DYM: variants seen among roughly 807,000 people sequenced by gnomAD.
The protein encoded by DYM is dymeclin, also known as dyggve-Melchior-Clausen syndrome protein.
In DYM, 78 loss-of-function variants were observed where a neutral mutation model predicts 93.1. That is an observed-to-expected ratio of 0.84 (90% CI 0.70 to 1.01). The LOEUF (loss-of-function observed/expected upper bound fraction) is 1.01. Among genes scored for constraint, DYM ranks in the 50% least tolerant of loss-of-function variants. The pLI is 0.00. For synonymous variants in DYM, 321 were observed against 319.7 expected (o/e 1.00, Z -0.04); for missense variants, 789 against 845.0 (o/e 0.93, Z 0.82).
intron 17 of DYM, among the ~76,000 whole-genome samples, chr18:49,083,592 T>C (rs994121687): frequency 2.0e-5 from 3 of 152,198 alleles, no homozygotes; most frequent in Non-Finnish European, 2.9e-5. Flanking sequence ...CATTATTTCT[T>C]TGCAAAAACT....
At chr18:49,063,909 G>A (rs1382916471) in intron 17 of DYM, among the ~76,000 whole-genome samples, 1 of 152,184 alleles carries the variant, frequency 6.6e-6, no homozygotes, top group African/African-American at 2.4e-5. Flanking sequence ...AATTACAGGT[G>A]TGAGCCACGG....
At chr18:49,285,206 A>G (rs1048591422) in intron 9 of DYM, among the ~76,000 whole-genome samples, 1 of 152,218 alleles carries the variant, frequency 6.6e-6, no homozygotes, top group East Asian at 1.9e-4. Context: ...GAGCAGCACA[A>G]ATGGACAAAG....
At chr18:49,263,259 C>T (rs957064633) in intron 11 of DYM, among the ~76,000 whole-genome samples, 103 of 151,888 alleles carry the variant, frequency 6.8e-4, no homozygotes, top group African/African-American at 2.3e-3. Context: ...GCTGGGATTA[C>T]AGGCACCCAC....
At chr18:49,429,574 G>C (rs2074613520) in intron 2 of DYM, among the ~76,000 whole-genome samples, 1 of 152,186 alleles carries the variant, frequency 6.6e-6, no homozygotes, top group Non-Finnish European at 1.5e-5. Context: ...AACTGACAAA[G>C]ATATGGGGAA....
intron 3 of DYM, among the ~76,000 whole-genome samples, chr18:49,382,758 C>T (rs1313070413): frequency 1.3e-5 from 2 of 152,166 alleles, no homozygotes; most frequent in African/African-American, 2.4e-5. Flanking sequence ...GCTAACTTAC[C>T]TGATGCTAGA....
intron 16 of DYM, among the ~76,000 whole-genome samples, chr18:49,112,930 A>G (rs1394529487): frequency 2.6e-5 from 4 of 151,706 alleles, no homozygotes; most frequent in Non-Finnish European, 1.5e-5. Flanking sequence ...ACCTGATTAC[A>G]TTCTTTAAAT....
intron 1 of DYM, among the ~76,000 whole-genome samples, chr18:49,435,929 G>T (rs1355758387): frequency 6.6e-6 from 1 of 152,158 alleles, no homozygotes; most frequent in African/African-American, 2.4e-5. Context: ...TATTAAACAT[G>T]ATGAGATATT....
intron 8 of DYM, among the ~76,000 whole-genome samples, chr18:49,326,417 T>C (rs149557716): frequency 0.01 from 1,585 of 152,146 alleles, 24 homozygotes; most frequent in African/African-American, 0.037. Flanking sequence ...AATATATAAT[T>C]CATTCTAACC....
intron 17 of DYM, among the ~76,000 whole-genome samples, chr18:49,073,003 A>C (rs1253220431): frequency 6.6e-6 from 1 of 152,218 alleles, no homozygotes; most frequent in Non-Finnish European, 1.5e-5. Flanking sequence ...CCAACCAAAA[A>C]CAAAATATCC....
At chr18:49,211,552 T>C (rs557447421) in intron 13 of DYM, among the ~76,000 whole-genome samples, 1 of 152,316 alleles carries the variant, frequency 6.6e-6, no homozygotes, top group South Asian at 2.1e-4. Flanking sequence ...ACTAGTAAGT[T>C]AGAAGATTTG....
At chr18:49,240,181 A>G (rs1454681239) in intron 13 of DYM, among the ~76,000 whole-genome samples, 1 of 152,206 alleles carries the variant, frequency 6.6e-6, no homozygotes, top group Non-Finnish European at 1.5e-5. Context: ...TTAAAAGTAT[A>G]TACACTGAAC....
intron 1 of DYM, among the ~76,000 whole-genome samples, chr18:49,433,093 C>A (rs963728352): frequency 1.3e-5 from 2 of 152,156 alleles, no homozygotes; most frequent in Non-Finnish European, 2.9e-5. Context: ...AACAGGGGAT[C>A]CAACACAGGG....
At chr18:49,122,680 C>G (rs1355230650) in intron 15 of DYM, among the ~76,000 whole-genome samples, 1 of 152,106 alleles carries the variant, frequency 6.6e-6, no homozygotes, top group Non-Finnish European at 1.5e-5. Flanking sequence ...TTGAATCATC[C>G]TGAAACCACC....
chr18:49,380,533 G>A (rs954286992), intron 3 of DYM, among the ~76,000 whole-genome samples: 1 of 152,162 alleles, frequency 6.6e-6, no homozygotes, highest in East Asian at 1.9e-4. Context: ...GCATTTCACC[G>A]ATCCTCACCT....
At chr18:49,278,556 G>A (rs1394264487) in intron 10 of DYM, among the ~76,000 whole-genome samples, 1 of 152,084 alleles carries the variant, frequency 6.6e-6, no homozygotes, top group Non-Finnish European at 1.5e-5. Flanking sequence ...CATTAAGTGT[G>A]CCTCCTCCCA....
At chr18:49,092,941 G>A (rs2079186067) in intron 17 of DYM, among the ~76,000 whole-genome samples, 2 of 152,190 alleles carry the variant, frequency 1.3e-5, no homozygotes, top group Admixed American at 6.5e-5. Context: ...CTCCTTTAAT[G>A]TTCTGCACTA....
At chr18:49,319,587 T>C (rs564134769) in intron 8 of DYM, among the ~76,000 whole-genome samples, 1 of 152,332 alleles carries the variant, frequency 6.6e-6, no homozygotes, top group South Asian at 2.1e-4. Flanking sequence ...TCGCATTTTG[T>C]TCTGGACACT....
At chr18:49,280,831 C>T (rs2094954142) in intron 10 of DYM, among the ~76,000 whole-genome samples, 1 of 152,184 alleles carries the variant, frequency 6.6e-6, no homozygotes, top group Admixed American at 6.5e-5. Context: ...GAATGTTAGA[C>T]CTAAAACCAT....
intron 15 of DYM, among the ~76,000 whole-genome samples, chr18:49,141,370 C>G (rs1399370387): frequency 6.6e-6 from 1 of 152,138 alleles, no homozygotes; most frequent in Non-Finnish European, 1.5e-5. Flanking sequence ...TTATGCTGAA[C>G]TATGGCTAAC....
Sources: gnomAD v4.1 joint callset for allele counts (sites outside exome capture counted in the v4.1 genomes callset) on GRCh38, gnomAD v4.1.1 for gene constraint, MANE v1.5 for transcripts, NCBI Gene and HGNC (gene_info 2026-07-23, HGNC 2026-07-21) for gene names.